Variants in LSAMP observed in about 807,000 individuals in gnomAD.
LSAMP encodes limbic system associated membrane protein.
A neutral mutation model predicts 38.6 loss-of-function variants in LSAMP; 7 were observed. The ratio of observed to expected loss-of-function variants is 0.18; its 90% confidence interval spans 0.10 to 0.34. The LOEUF is 0.34. Ranked by LOEUF, LSAMP falls within the 10% of genes least tolerant of loss-of-function variation. The pLI is 1.00. For synonymous variants in LSAMP, 154 were observed against 166.8 expected (o/e 0.92, Z 0.59); for missense variants, 313 against 420.0 (o/e 0.75, Z 2.23).
intron 1 of LSAMP, among the ~76,000 whole-genome samples, chr3:116,219,616 T>A (rs964300087): frequency 3.9e-5 from 6 of 152,046 alleles, no homozygotes; most frequent in African/African-American, 1.4e-4. Flanking sequence ...AGTAAGGAAG[T>A]GGGACTACAT....
chr3:115,836,907 C>T (rs1387070524), intron 6 of LSAMP, among the ~76,000 whole-genome samples: 2 of 151,992 alleles, frequency 1.3e-5, no homozygotes, highest in Non-Finnish European at 2.9e-5. Flanking sequence ...CAGCCTCCTG[C>T]GTAGGTGGGA....
At chr3:115,980,533 T>A (rs6790290) in intron 3 of LSAMP, among the ~76,000 whole-genome samples, 67,644 of 151,710 alleles carry the variant, frequency 0.45, 16,643 homozygotes, top group African/African-American at 0.67. Flanking sequence ...GTTCTATATT[T>A]ATTTCCCCAC....
At chr3:116,433,280 C>A (rs2049306409) in intron 1 of LSAMP, among the ~76,000 whole-genome samples, 1 of 151,910 alleles carries the variant, frequency 6.6e-6, no homozygotes, top group South Asian at 2.1e-4. Context: ...AGTAGCATAA[C>A]TAAAGTACAA....
At chr3:115,974,698 G>T (rs989169605) in intron 3 of LSAMP, among the ~76,000 whole-genome samples, 2 of 152,024 alleles carry the variant, frequency 1.3e-5, no homozygotes, top group African/African-American at 4.8e-5. Flanking sequence ...CTCAGGAAGG[G>T]GTGAAAAAAT....
chr3:115,978,409 TCAC>T (rs1376860999), intron 3 of LSAMP, among the ~76,000 whole-genome samples: 1 of 152,118 alleles, frequency 6.6e-6, no homozygotes, highest in East Asian at 1.9e-4. Context: ...TACCTGTTCT[TCAC>T]CACCAAGATC....
intron 2 of LSAMP, among the ~76,000 whole-genome samples, chr3:116,040,242 C>T (rs934349008): frequency 2.0e-5 from 3 of 152,082 alleles, no homozygotes; most frequent in Admixed American, 6.5e-5. Flanking sequence ...AAATTCAATG[C>T]GTATGTTCCC....
At chr3:116,089,393 C>T (rs1708067571) in intron 1 of LSAMP, among the ~76,000 whole-genome samples, 1 of 152,068 alleles carries the variant, frequency 6.6e-6, no homozygotes, top group South Asian at 2.1e-4. Context: ...AGTCTCGCTC[C>T]GTCGCCCAGG....
intron 6 of LSAMP, chr3:115,837,783 C>G (rs1196650668): frequency 6.6e-6 from 1 of 152,208 alleles, no homozygotes; most frequent in Non-Finnish European, 1.5e-5. Context: ...AAATAGACTA[C>G]CTGAATTTAA....
intron 1 of LSAMP, among the ~76,000 whole-genome samples, chr3:116,349,345 T>A (rs2048106423): frequency 6.6e-6 from 1 of 151,934 alleles, no homozygotes; most frequent in Admixed American, 6.6e-5. Context: ...TCTCAAAATT[T>A]AAAAAATATA....
chr3:116,140,082 CA>C (rs1183980968), intron 1 of LSAMP, among the ~76,000 whole-genome samples: 1 of 151,916 alleles, frequency 6.6e-6, no homozygotes, highest in African/African-American at 2.4e-5. Flanking sequence ...TTAGACCTCT[CA>C]AAATAAGAAA....
In LSAMP at chr3:115,854,250, ATAT is replaced by A. The variant is rs769267859; in HGVS notation, c.515-1636_515-1634del. Among the ~76,000 whole-genome samples, 624 of 124,120 alleles carry A rather than the reference ATAT, an allele frequency of 5.0e-3. 21 individuals are homozygous for A. The highest frequency in any genetic ancestry group is 9.4e-3 in the Middle Eastern group (2 of 212). 81.4% of individuals were successfully genotyped at this position (124,120 alleles called of 152,430 possible). On this transcript the variant is annotated intron_variant, in intron 3 of 6. Coordinates refer to ENST00000490035, the MANE Select transcript of LSAMP (RefSeq NM_002338.5). ...GAATTAGTCTATAGCATATAGTTAA[ATAT>A]TATTATTATTATTATTATTATTATT...
chr3:115,929,404 A>G (rs761592687), intron 3 of LSAMP, among the ~76,000 whole-genome samples: 4 of 152,098 alleles, frequency 2.6e-5, no homozygotes, highest in Admixed American at 2.0e-4. Context: ...TTGATCCTCA[A>G]TTCTCAAATA....
At chr3:115,860,255 C>A (rs190336000) in intron 3 of LSAMP, among the ~76,000 whole-genome samples, 49 of 152,170 alleles carry the variant, frequency 3.2e-4, no homozygotes, top group African/African-American at 1.1e-3. Context: ...CACATAGGAA[C>A]ACAGGTTTAG....
intron 1 of LSAMP, among the ~76,000 whole-genome samples, chr3:116,372,705 TAA>T (rs34081216): frequency 2.7e-5 from 4 of 150,852 alleles, no homozygotes; most frequent in African/African-American, 4.9e-5. Flanking sequence ...TTGCCCTTAT[TAA>T]AAAAAAATGG....
chr3:115,866,520 G>T (rs1377993694), intron 3 of LSAMP, among the ~76,000 whole-genome samples: 1 of 152,160 alleles, frequency 6.6e-6, no homozygotes, highest in African/African-American at 2.4e-5. Flanking sequence ...TTGATGGGTG[G>T]ATAAGCTGTT....
intron 1 of LSAMP, among the ~76,000 whole-genome samples, chr3:116,293,858 C>T (rs1277096694): frequency 6.6e-6 from 1 of 151,884 alleles, no homozygotes; most frequent in Non-Finnish European, 1.5e-5. Flanking sequence ...ATTTTGAATG[C>T]ACAAATAAAC....
intron 1 of LSAMP, among the ~76,000 whole-genome samples, chr3:116,120,865 A>T (rs1417066469): frequency 6.6e-6 from 1 of 152,216 alleles, no homozygotes; most frequent in East Asian, 1.9e-4. Flanking sequence ...GCATCAGGCT[A>T]TCATCATAAC....
intron 1 of LSAMP, among the ~76,000 whole-genome samples, chr3:116,235,523 T>C (rs1422502376): frequency 3.9e-5 from 6 of 152,102 alleles, no homozygotes; most frequent in African/African-American, 1.4e-4. Flanking sequence ...GAGATAGAGA[T>C]ACGATGCTCT....
At chr3:116,196,447 C>A (rs1576425062) in intron 1 of LSAMP, among the ~76,000 whole-genome samples, 1 of 152,190 alleles carries the variant, frequency 6.6e-6, no homozygotes, top group Admixed American at 6.5e-5. Flanking sequence ...GCGAATTGAC[C>A]AGTGGGTAGA....
Sources: gnomAD v4.1 joint callset for allele counts (sites outside exome capture counted in the v4.1 genomes callset) on GRCh38, gnomAD v4.1.1 for gene constraint, MANE v1.5 for transcripts, NCBI Gene and HGNC (gene_info 2026-07-23, HGNC 2026-07-21) for gene names.